Variants in COL19A1 observed in about 807,000 individuals in gnomAD.
COL19A1 encodes the protein collagen alpha-1(XIX) chain.
Under a neutral mutation model 190.2 loss-of-function variants are expected in COL19A1, and 159 were observed. That is an observed-to-expected ratio of 0.84 (90% CI 0.73 to 0.95). COL19A1 has a LOEUF of 0.95. Ranked by LOEUF, COL19A1 falls within the 40% of genes least tolerant of loss-of-function variation. The pLI is 0.00. For missense variants in COL19A1, 1,418 were observed against 1,431.9 expected (o/e 0.99, Z 0.16); for synonymous variants, 509 against 458.9 (o/e 1.11, Z -1.39).
intron 16 of COL19A1, among the ~76,000 whole-genome samples, chr6:70,116,283 TA>T (rs1784574015): frequency 6.6e-6 from 1 of 152,194 alleles, no homozygotes; most frequent in African/African-American, 2.4e-5. Context: ...CATTTCTAAC[TA>T]AAACCAAAAC....
intron 36 of COL19A1, among the ~76,000 whole-genome samples, chr6:70,164,557 C>T (rs1288431620): frequency 1.3e-5 from 2 of 152,202 alleles, no homozygotes; most frequent in African/African-American, 4.8e-5. Context: ...CCCAACCCCA[C>T]TAGCCTTTTT....
At chr6:70,034,357 C>A in intron 13 of COL19A1, 59 bp downstream of exon 13, 2 of 1,275,628 alleles carry the variant, frequency 1.6e-6, no homozygotes, top group Non-Finnish European at 2.3e-6. Context: ...ACAACCTATG[C>A]AGTGACTTCT....
chr6:70,094,130 C>T (rs2150178831), intron 15 of COL19A1, among the ~76,000 whole-genome samples: 1 of 152,290 alleles, frequency 6.6e-6, no homozygotes, highest in Admixed American at 6.5e-5. Flanking sequence ...ATAAAATGTA[C>T]TTAACATATT....
intron 14 of COL19A1, among the ~76,000 whole-genome samples, chr6:70,038,214 C>T (rs1326380184): frequency 6.6e-6 from 1 of 152,210 alleles, no homozygotes; most frequent in African/African-American, 2.4e-5. Flanking sequence ...CAGAGTTCAT[C>T]CATAATTGTT....
intron 4 of COL19A1, among the ~76,000 whole-genome samples, chr6:69,913,757 A>G (rs1425855905): frequency 6.6e-6 from 1 of 152,180 alleles, no homozygotes; most frequent in African/African-American, 2.4e-5. Flanking sequence ...ATATTTTAAA[A>G]AAAAGTGGAG....
intron 11 of COL19A1, among the ~76,000 whole-genome samples, chr6:69,974,419 G>A (rs1041440914): frequency 1.3e-5 from 2 of 152,208 alleles, no homozygotes; most frequent in African/African-American, 4.8e-5. Context: ...CTCACTGATA[G>A]TGATTCTGCC....
intron 11 of COL19A1, among the ~76,000 whole-genome samples, chr6:69,979,205 A>G (rs1245264239): frequency 6.6e-6 from 1 of 151,958 alleles, no homozygotes; most frequent in African/African-American, 2.4e-5. Context: ...AGAAGTCAGC[A>G]TAATGTTAAT....
intron 14 of COL19A1, among the ~76,000 whole-genome samples, chr6:70,038,146 A>G (rs572395379): frequency 4.5e-4 from 69 of 152,380 alleles, no homozygotes; most frequent in Admixed American, 1.7e-3. Flanking sequence ...GGAAGCCCAA[A>G]TGACTAACTG....
chr6:70,149,789 TGGG>T, intron 28 of COL19A1, 50 bp downstream of exon 28: 1 of 1,613,544 alleles, frequency 6.2e-7, no homozygotes, highest in African/African-American at 1.3e-5. Flanking sequence ...CTTGCTTACT[TGGG>T]GGAAATGACT....
At chr6:69,997,162 G>A (rs1038621282) in intron 11 of COL19A1, among the ~76,000 whole-genome samples, 2 of 152,010 alleles carry the variant, frequency 1.3e-5, no homozygotes, top group Non-Finnish European at 2.9e-5. Context: ...AAGCAAAGAA[G>A]CCTTGAGAAA....
At chr6:70,134,602 G>C (rs1325201246) in intron 18 of COL19A1, among the ~76,000 whole-genome samples, 1 of 152,178 alleles carries the variant, frequency 6.6e-6, no homozygotes, top group Non-Finnish European at 1.5e-5. Context: ...CACTGCTGTA[G>C]AATATTTGTA....
At chr6:70,181,559 C>A (rs1229934461) in intron 44 of COL19A1, among the ~76,000 whole-genome samples, 2 of 151,790 alleles carry the variant, frequency 1.3e-5, no homozygotes, top group East Asian at 3.9e-4. Context: ...TTGTTCATCA[C>A]CAAATATTTC....
intron 4 of COL19A1, among the ~76,000 whole-genome samples, chr6:69,922,683 G>T (rs989340035): frequency 6.6e-6 from 1 of 151,958 alleles, no homozygotes; most frequent in South Asian, 2.1e-4. Context: ...GTTTCACTAT[G>T]TTGGCCAGGC....
Position 69,921,120 on chromosome 6 carries a change from TC to T in COL19A1, c.267-6788del, listed in dbSNP as rs1159300196. Reference sequence around the variant, plus strand: ...TATCATATATTCATATACATATATATCACATATGTATCACATATATATCACA... The same window carrying T: ...TATCATATATTCATATACATATATATACATATGTATCACATATATATCACA... On this transcript the variant is annotated intron_variant, in intron 4 of 50. Transcript: ENST00000620364. Among the ~76,000 whole-genome samples, 398 of 112,654 alleles carry T rather than the reference TC, an allele frequency of 3.5e-3. 3 individuals carry two copies. The highest frequency in any genetic ancestry group is 0.012 in the African/African-American group (328 of 27,526). 73.9% of individuals were successfully genotyped at this position (112,654 alleles called of 152,430 possible).
Position 70,190,331 on chromosome 6 carries a change from T to C in COL19A1, c.3044T>C (p.Phe1015Ser), listed in dbSNP as rs368110123. The C allele has an allele frequency of 1.7e-5, 28 of 1,605,606 alleles. No individual in the cohort carries two copies. Among genetic ancestry groups the C allele is most frequent in the Middle Eastern group, 1.7e-4 (1 of 6,052 alleles). ...IPGIPADAVS[F>S]EEIKKYINQE... ...CTTCTTCAGGCTGATGCAGTTTCAT[T>C]TGAAGAAATAAAGAAGTATATTAAT... The change falls in exon 48 of 51, where the codon TTT becomes TCT. Residue 1015 changes from phenylalanine (F) to serine (S), a missense_variant. Coordinates refer to ENST00000620364, the MANE Select transcript of COL19A1 (RefSeq NM_001858.6).
intron 15 of COL19A1, among the ~76,000 whole-genome samples, chr6:70,072,018 G>A (rs1781589460): frequency 6.6e-6 from 1 of 152,102 alleles, no homozygotes; most frequent in South Asian, 2.1e-4. Flanking sequence ...GGCATGAGTT[G>A]TGAGGTAGGA....
chr6:70,135,914 G>A (rs907346301), intron 18 of COL19A1, among the ~76,000 whole-genome samples: 1 of 152,146 alleles, frequency 6.6e-6, no homozygotes, highest in Non-Finnish European at 1.5e-5. Flanking sequence ...CACCCAGGGG[G>A]TGGAATTGTT....
chr6:70,025,682 A>G (rs561286444), intron 12 of COL19A1, among the ~76,000 whole-genome samples: 1 of 152,254 alleles, frequency 6.6e-6, no homozygotes, highest in Non-Finnish European at 1.5e-5. Flanking sequence ...CCGTGAAAGC[A>G]AAGACCATGT....
intron 11 of COL19A1, among the ~76,000 whole-genome samples, chr6:69,983,277 A>G (rs950548968): frequency 1.3e-5 from 2 of 152,086 alleles, no homozygotes; most frequent in Non-Finnish European, 2.9e-5. Flanking sequence ...TTTTGATGCT[A>G]TTTTGAATAC....
Sources: gnomAD v4.1 joint callset for allele counts (sites outside exome capture counted in the v4.1 genomes callset) on GRCh38, gnomAD v4.1.1 for gene constraint, MANE v1.5 for transcripts, NCBI Gene and HGNC (gene_info 2026-07-23, HGNC 2026-07-21) for gene names.